Variants in GALNT17 observed in about 807,000 individuals in gnomAD.
The protein encoded by GALNT17 is polypeptide N-acetylgalactosaminyltransferase 17.
In GALNT17, 29 loss-of-function variants were observed where a neutral mutation model predicts 63.7. That is an observed-to-expected ratio of 0.46 (90% CI 0.34 to 0.62). The LOEUF is 0.62. GALNT17 is among the 20% of genes least tolerant of loss of function. The probability of loss-of-function intolerance (pLI) is 0.01; values close to 1 mark genes in which losing one functional copy is unlikely to be tolerated. For missense variants in GALNT17, 603 were observed against 799.6 expected (o/e 0.75, Z 2.97); for synonymous variants, 305 against 318.3 (o/e 0.96, Z 0.45).
chr7:71,408,478 A>G (rs561801466), intron 3 of GALNT17, among the ~76,000 whole-genome samples: 66 of 152,288 alleles, frequency 4.3e-4, no homozygotes, highest in African/African-American at 1.6e-3. Flanking sequence ...GGAACAGGGA[A>G]TGAAAGCAGA....
intron 1 of GALNT17, among the ~76,000 whole-genome samples, chr7:71,238,457 T>A (rs1789936040): frequency 6.6e-6 from 1 of 152,176 alleles, no homozygotes; most frequent in Admixed American, 6.5e-5. Context: ...ACTTATGGGC[T>A]CAAGTGATCC....
intron 1 of GALNT17, among the ~76,000 whole-genome samples, chr7:71,265,486 A>G (rs1790477422): frequency 6.6e-6 from 1 of 152,152 alleles, no homozygotes; most frequent in African/African-American, 2.4e-5. Context: ...GAAGATCTTT[A>G]TGTTGATACC....
chr7:71,378,831 T>A (rs28429173), intron 2 of GALNT17, among the ~76,000 whole-genome samples: 8,948 of 149,934 alleles, frequency 0.06, 329 homozygotes, highest in East Asian at 0.1. Context: ...AAAAAAAAAA[T>A]AAATAAATAA....
chr7:71,683,839 C>T (rs1400702656), intron 9 of GALNT17, among the ~76,000 whole-genome samples: 1 of 151,980 alleles, frequency 6.6e-6, no homozygotes, highest in African/African-American at 2.4e-5. Context: ...GAAACCTCGT[C>T]TCTACTAAAA....
chr7:71,297,977 C>T (rs1167785649), intron 1 of GALNT17, among the ~76,000 whole-genome samples: 1 of 152,144 alleles, frequency 6.6e-6, no homozygotes, highest in African/African-American at 2.4e-5. Context: ...AGCTACACAA[C>T]AGATGTTTAT....
chr7:71,186,870 C>T (rs1788860527), intron 1 of GALNT17, among the ~76,000 whole-genome samples: 1 of 152,190 alleles, frequency 6.6e-6, no homozygotes, highest in Non-Finnish European at 1.5e-5. Flanking sequence ...CCTGCTGTAG[C>T]CTGGCAACTC....
chr7:71,579,107 G>A (rs1248689656), intron 6 of GALNT17, among the ~76,000 whole-genome samples: 1 of 152,226 alleles, frequency 6.6e-6, no homozygotes, highest in Non-Finnish European at 1.5e-5. Context: ...GTCAAGGTTG[G>A]ATCCAAGGCC....
intron 1 of GALNT17, among the ~76,000 whole-genome samples, chr7:71,276,242 G>T (rs1457097252): frequency 6.6e-6 from 1 of 152,142 alleles, no homozygotes; most frequent in South Asian, 2.1e-4. Context: ...GCAGGGGTGG[G>T]GGTGGTCCAT....
chr7:71,551,064 C>T (rs922353398), intron 5 of GALNT17, among the ~76,000 whole-genome samples: 7 of 152,104 alleles, frequency 4.6e-5, no homozygotes, highest in African/African-American at 1.4e-4. Context: ...GCCCTGTTTA[C>T]TGTCCTCTGG....
At chr7:71,273,827 T>A (rs562001805) in intron 1 of GALNT17, among the ~76,000 whole-genome samples, 9 of 151,530 alleles carry the variant, frequency 5.9e-5, no homozygotes, top group Non-Finnish European at 1.5e-5. Context: ...AAAATTTTTC[T>A]CTAATGAGAT....
intron 1 of GALNT17, among the ~76,000 whole-genome samples, chr7:71,238,752 TTA>T (rs1214655679): frequency 6.6e-6 from 1 of 152,154 alleles, no homozygotes; most frequent in Non-Finnish European, 1.5e-5. Context: ...TCTCCAGCAT[TTA>T]TACCCTTGTT....
chr7:71,157,176 A>G (rs1242620573), intron 1 of GALNT17, among the ~76,000 whole-genome samples: 3 of 151,854 alleles, frequency 2.0e-5, no homozygotes, highest in Non-Finnish European at 4.4e-5. Context: ...CAAAAGCTTT[A>G]AAGTCTTCAT....
At chr7:71,367,664 G>A (rs998788411) in intron 2 of GALNT17, among the ~76,000 whole-genome samples, 3 of 114,394 alleles carry the variant, frequency 2.6e-5, no homozygotes, top group Admixed American at 1.1e-4. Context: ...AGCCACTGAC[G>A]AGTCCACCAG....
At chr7:71,681,306 G>T (rs184680926) in intron 9 of GALNT17, among the ~76,000 whole-genome samples, 2 of 152,320 alleles carry the variant, frequency 1.3e-5, no homozygotes, top group African/African-American at 4.8e-5. Flanking sequence ...AGGCTCACCT[G>T]GGGGTGGGAG....
At chr7:71,339,926 A>G (rs1791979574) in intron 2 of GALNT17, among the ~76,000 whole-genome samples, 3 of 152,336 alleles carry the variant, frequency 2.0e-5, no homozygotes, top group Admixed American at 6.5e-5. Flanking sequence ...CTTACAAGGA[A>G]AAAAAACCAC....
At chr7:71,520,367 C>T (rs894385160) in intron 5 of GALNT17, among the ~76,000 whole-genome samples, 13 of 151,976 alleles carry the variant, frequency 8.6e-5, no homozygotes, top group African/African-American at 3.1e-4. Flanking sequence ...CTACTAAAAA[C>T]ACAAAATTAG....
At chr7:71,407,488 G>A (rs544367771) in intron 3 of GALNT17, among the ~76,000 whole-genome samples, 69 of 152,226 alleles carry the variant, frequency 4.5e-4, no homozygotes, top group African/African-American at 1.5e-3. Flanking sequence ...TGGCTCATTC[G>A]TGTAATCCCA....
intron 5 of GALNT17, among the ~76,000 whole-genome samples, chr7:71,565,221 G>A (rs1050356573): frequency 6.6e-6 from 1 of 151,942 alleles, no homozygotes; most frequent in African/African-American, 2.4e-5. Flanking sequence ...GAGCTGAGAT[G>A]GCACCGCTGC....
intron 8 of GALNT17, among the ~76,000 whole-genome samples, chr7:71,670,803 A>C (rs2117056324): frequency 6.6e-6 from 1 of 152,182 alleles, no homozygotes; most frequent in Non-Finnish European, 1.5e-5. Flanking sequence ...AGAGCGTGTA[A>C]GTCACAAAGC....
Sources: allele counts gnomAD v4.1 joint callset (sites outside exome capture counted in the v4.1 genomes callset), GRCh38; gene constraint gnomAD v4.1.1; transcripts MANE v1.5; gene names NCBI Gene and HGNC (gene_info 2026-07-23, HGNC 2026-07-21).